SAMMSON: variants seen among roughly 807,000 people sequenced by gnomAD.
SAMMSON encodes survival associated mitochondrial melanoma specific oncogenic non-coding RNA.
intron 4 of SAMMSON, among the ~76,000 whole-genome samples, chr3:70,097,892 G>T (rs1243971379): frequency 1.3e-5 from 2 of 152,118 alleles, no homozygotes; most frequent in Admixed American, 1.3e-4. Flanking sequence ...AAGCACTTAT[G>T]GAGCACATTT....
intron 4 of SAMMSON, among the ~76,000 whole-genome samples, chr3:70,087,186 A>G (rs914529399): frequency 1.3e-5 from 2 of 152,158 alleles, no homozygotes; most frequent in Non-Finnish European, 2.9e-5. Flanking sequence ...ATAGTGGCCA[A>G]TGGTTAAAGG....
intron 3 of SAMMSON, among the ~76,000 whole-genome samples, chr3:70,017,409 C>G: frequency 6.6e-6 from 1 of 152,002 alleles, no homozygotes; most frequent in Non-Finnish European, 1.5e-5. Flanking sequence ...TATAAGAATG[C>G]TTGTGATTTT....
At chr3:70,321,221 A>G (rs1702536330) in intron 7 of SAMMSON, among the ~76,000 whole-genome samples, 1 of 152,032 alleles carries the variant, frequency 6.6e-6, no homozygotes, top group African/African-American at 2.4e-5. Flanking sequence ...CATCACCCCA[A>G]CATTTCCTCA....
At chr3:70,289,654 T>C (rs1702209948) in intron 6 of SAMMSON, among the ~76,000 whole-genome samples, 1 of 151,792 alleles carries the variant, frequency 6.6e-6, no homozygotes, top group Non-Finnish European at 1.5e-5. Context: ...CTGCAGAGTG[T>C]TTTCCAACTT....
intron 4 of SAMMSON, among the ~76,000 whole-genome samples, chr3:70,130,453 C>T (rs2067478567): frequency 6.6e-6 from 1 of 152,132 alleles, no homozygotes; most frequent in Non-Finnish European, 1.5e-5. Context: ...AATATACATC[C>T]CATGCTGTAT....
intron 9 of SAMMSON, among the ~76,000 whole-genome samples, chr3:70,361,920 G>C (rs1442835374): frequency 6.6e-6 from 1 of 152,092 alleles, no homozygotes; most frequent in African/African-American, 2.4e-5. Flanking sequence ...GGATACTACA[G>C]GATTACCTAG....
At chr3:70,430,692 C>T (rs1048740226) in intron 2 of SAMMSON, among the ~76,000 whole-genome samples, 4 of 152,222 alleles carry the variant, frequency 2.6e-5, no homozygotes, top group South Asian at 4.1e-4. Context: ...TTGTTATCAG[C>T]ACCAATCGAG....
chr3:70,370,117 T>C (rs1702954434), intron 9 of SAMMSON, among the ~76,000 whole-genome samples: 1 of 151,956 alleles, frequency 6.6e-6, no homozygotes, highest in Non-Finnish European at 1.5e-5. Context: ...TCCAGTTCCA[T>C]CCATGTTGCT....
chr3:70,188,172 C>A (rs543056220), intron 4 of SAMMSON, among the ~76,000 whole-genome samples: 1 of 152,266 alleles, frequency 6.6e-6, no homozygotes, highest in East Asian at 1.9e-4. Context: ...TCTTTATTGT[C>A]TTTATAGTAA....
chr3:70,226,679 A>G (rs909893707), intron 4 of SAMMSON, among the ~76,000 whole-genome samples: 1 of 150,744 alleles, frequency 6.6e-6, no homozygotes, highest in Non-Finnish European at 1.5e-5. Context: ...CGGAGGTTGC[A>G]GTGAGCCGAT....
intron 3 of SAMMSON, among the ~76,000 whole-genome samples, chr3:70,039,625 ACACACAC>A (rs1559778573): frequency 1.9e-4 from 29 of 150,538 alleles, no homozygotes; most frequent in African/African-American, 7.0e-4. Flanking sequence ...ACACACACAC[ACACACAC>A]ACACACACAC....
At chr3:70,354,616 G>A (rs805489) in intron 8 of SAMMSON, among the ~76,000 whole-genome samples, 152,086 of 152,266 alleles carry the variant, frequency 1, 75,954 homozygotes, top group Middle Eastern at 1. Context: ...CACTGACCCA[G>A]GGCTTCAGCT....
chr3:70,172,107 A>G (rs2106700035), intron 4 of SAMMSON, among the ~76,000 whole-genome samples: 2 of 151,996 alleles, frequency 1.3e-5, no homozygotes, highest in South Asian at 4.1e-4. Context: ...TACATTTCCT[A>G]TTACAGAGAA....
At chr3:70,310,870 A>C (rs571393176) in intron 7 of SAMMSON, among the ~76,000 whole-genome samples, 1 of 152,266 alleles carries the variant, frequency 6.6e-6, no homozygotes, top group East Asian at 1.9e-4. Context: ...CTGTAGAATC[A>C]CACAAACTGG....
At chr3:70,371,975 A>G (rs1360584246) in intron 9 of SAMMSON, among the ~76,000 whole-genome samples, 1 of 152,058 alleles carries the variant, frequency 6.6e-6, no homozygotes, top group East Asian at 1.9e-4. Flanking sequence ...TGAGTTTGTC[A>G]TTTATGGCCT....
chr3:70,391,422 A>AT (rs570016784), downstream of SAMMSON, among the ~76,000 whole-genome samples: 41 of 151,854 alleles, frequency 2.7e-4, no homozygotes, highest in South Asian at 7.9e-3. Flanking sequence ...GTTGGCACCT[A>AT]TTTTCTGGGT....
chr3:70,296,263 G>A (rs1702288192), intron 7 of SAMMSON, among the ~76,000 whole-genome samples: 1 of 152,078 alleles, frequency 6.6e-6, no homozygotes, highest in South Asian at 2.1e-4. Flanking sequence ...GAGATGCAGT[G>A]ACATTTAATT....
At chr3:70,252,779 A>T (rs187998082) in intron 6 of SAMMSON, among the ~76,000 whole-genome samples, 1 of 152,262 alleles carries the variant, frequency 6.6e-6, no homozygotes, top group Non-Finnish European at 1.5e-5. Context: ...TAAACCATTA[A>T]AAAGAAAATC....
chr3:70,143,439 T>G (rs751638065), intron 4 of SAMMSON, among the ~76,000 whole-genome samples: 3 of 152,018 alleles, frequency 2.0e-5, no homozygotes, highest in Non-Finnish European at 4.4e-5. Context: ...CAATAAGAAT[T>G]TTGTTTTTCG....
Sources: gnomAD v4.1 joint callset for allele counts (sites outside exome capture counted in the v4.1 genomes callset) on GRCh38, gnomAD v4.1.1 for gene constraint, MANE v1.5 for transcripts, NCBI Gene and HGNC (gene_info 2026-07-23, HGNC 2026-07-21) for gene names.